ENKUR: variants seen among roughly 807,000 people sequenced by gnomAD.
ENKUR encodes enkurin, TRPC channel interacting protein.
A neutral mutation model predicts 27.6 loss-of-function variants in ENKUR; 19 were observed. That is an observed-to-expected ratio of 0.69 (90% CI 0.48 to 1.01). The LOEUF (loss-of-function observed/expected upper bound fraction) is 1.01. ENKUR is among the 50% of genes least tolerant of loss of function. ENKUR has a pLI of 0.00. For synonymous variants in ENKUR, 117 were observed against 96.9 expected (o/e 1.21, Z -1.22); for missense variants, 312 against 310.5 (o/e 1.00, Z -0.04).
intron 2 of ENKUR, chr10:25,026,580 C>G (rs1267183482): frequency 6.0e-6 from 1 of 165,940 alleles, no homozygotes; most frequent in African/African-American, 2.4e-5. Context: ...ATTTGTATTC[C>G]TTTGTAGTAA....
intron 2 of ENKUR, among the ~76,000 whole-genome samples, chr10:25,036,939 C>T (rs1038791262): frequency 6.6e-6 from 1 of 152,120 alleles, no homozygotes; most frequent in Non-Finnish European, 1.5e-5. Flanking sequence ...AGAAAAGAAA[C>T]ATCAAAATCA....
intron 2 of ENKUR, among the ~76,000 whole-genome samples, chr10:25,056,237 C>T (rs987728903): frequency 4.6e-5 from 7 of 152,204 alleles, no homozygotes; most frequent in Non-Finnish European, 8.8e-5. Flanking sequence ...CTTTGTGAAG[C>T]ACTTATGTCA....
intron 2 of ENKUR, among the ~76,000 whole-genome samples, chr10:25,028,568 C>T (rs1344138590): frequency 1.3e-4 from 20 of 152,176 alleles, no homozygotes. Flanking sequence ...TAGAGTCTTT[C>T]TGTACTTTAG....
At chr10:25,057,647 C>T (rs2130497512) in intron 2 of ENKUR, among the ~76,000 whole-genome samples, 1 of 152,232 alleles carries the variant, frequency 6.6e-6, no homozygotes, top group South Asian at 2.1e-4. Context: ...GTACCACTAC[C>T]TCTGTGGGAT....
intron 2 of ENKUR, among the ~76,000 whole-genome samples, chr10:25,046,579 G>C (rs1435653979): frequency 1.3e-5 from 2 of 152,148 alleles, no homozygotes; most frequent in African/African-American, 4.8e-5. Flanking sequence ...TAATCTCTCT[G>C]TGCCTTTGTT....
At position 25,007,625 on chromosome 10, in the gene ENKUR, G is replaced by A. The variant is rs985630001; in HGVS notation, c.78-8079C>T. Reference sequence around the variant, plus strand: ...AATTTTTTGTATTTTTAGTAGAGACGGGGTTTCACCATGTTAGCCAGGATG... The same window carrying A: ...AATTTTTTGTATTTTTAGTAGAGACAGGGTTTCACCATGTTAGCCAGGATG... On this transcript the variant is annotated intron_variant, in intron 1 of 5. Coordinates refer to ENST00000331161, the MANE Select transcript of ENKUR (RefSeq NM_145010.4). Among the ~76,000 whole-genome samples the A allele has an allele frequency of 6.6e-5, 10 of 152,086 alleles. 1 individual carries two copies. In the East Asian group the frequency reaches 1.2e-3, roughly 18 times the overall value.
chr10:25,043,029 T>C (rs892211757), intron 2 of ENKUR, among the ~76,000 whole-genome samples: 9 of 152,268 alleles, frequency 5.9e-5, no homozygotes, highest in African/African-American at 1.9e-4. Context: ...TATGTTACTG[T>C]TATATGTGAG....
intron 2 of ENKUR, among the ~76,000 whole-genome samples, chr10:25,048,171 G>T (rs1315521972): frequency 6.6e-6 from 1 of 152,132 alleles, no homozygotes; most frequent in African/African-American, 2.4e-5. Flanking sequence ...AAAACCGCAG[G>T]TCATGGGGTG....
At chr10:25,045,384 A>T (rs1851111476) in intron 2 of ENKUR, among the ~76,000 whole-genome samples, 1 of 152,218 alleles carries the variant, frequency 6.6e-6, no homozygotes, top group South Asian at 2.1e-4. Flanking sequence ...GTAAGAGGAT[A>T]ATATGATATT....
At chr10:24,998,773 A>T (rs1315974040) in intron 2 of ENKUR, among the ~76,000 whole-genome samples, 1 of 152,116 alleles carries the variant, frequency 6.6e-6, no homozygotes, top group Non-Finnish European at 1.5e-5. Flanking sequence ...ATAATTTTTG[A>T]GGCCCAGTAA....
At chr10:25,033,401 CAAAAAAAAAA>C (rs34472195) in intron 2 of ENKUR, among the ~76,000 whole-genome samples, 6 of 59,970 alleles carry the variant, frequency 1.0e-4, no homozygotes, top group East Asian at 5.3e-4. Context: ...AAGACCTCGT[CAAAAAAAAAA>C]AAAAAAAAAA....
chr10:25,014,555 T>C (rs1006753002), intron 1 of ENKUR, among the ~76,000 whole-genome samples: 8 of 152,158 alleles, frequency 5.3e-5, no homozygotes, highest in Middle Eastern at 6.3e-3. Context: ...GTAAAGCTTT[T>C]TAATTTGCCA....
intron 2 of ENKUR, among the ~76,000 whole-genome samples, chr10:25,027,314 C>T (rs1445882423): frequency 2.1e-5 from 3 of 142,386 alleles, no homozygotes; most frequent in African/African-American, 7.8e-5. Context: ...CGAAATCGCG[C>T]CACTGCCACT....
At chr10:25,056,302 C>T (rs1851255278) in intron 2 of ENKUR, among the ~76,000 whole-genome samples, 1 of 152,176 alleles carries the variant, frequency 6.6e-6, no homozygotes, top group African/African-American at 2.4e-5. Context: ...CTGCCTCATA[C>T]CCCAGAAGTT....
At chr10:25,061,814 T>C (rs1248758360) in intron 1 of ENKUR, among the ~76,000 whole-genome samples, 1 of 152,202 alleles carries the variant, frequency 6.6e-6, no homozygotes, top group Non-Finnish European at 1.5e-5. Flanking sequence ...CTCTTCAGTC[T>C]GAGAAGTTAG....
rs181704418 is a variant in ENKUR at position 25,058,039 on chromosome 10, C to T, written c.37+3073G>A. Among the ~76,000 whole-genome samples the T allele has an allele frequency of 1.8e-4, 27 of 152,060 alleles. No homozygotes were observed. In the East Asian group the frequency reaches 3.9e-3, roughly 22 times the overall value. ...AGTAATGCCAAACCCCAAGAGTGGA[C>T]GGAGGTGAGTGAGGTTGATAGGAAG... On this transcript the variant is annotated intron_variant, in intron 2 of 5. Coordinates refer to the ENKUR transcript ENST00000615958.
In ENKUR at chr10:24,983,613, A is replaced by G. The variant is rs542372363; in HGVS notation, c.*757T>C. On this transcript the variant is annotated 3_prime_UTR_variant, in exon 6 of 6. Transcript: ENST00000331161. ...TGGACAAGTTTCAAGTGAATTTTCA[A>G]AAAATAATTGTATATAAACTACTTT... is the stretch of plus-strand genomic sequence containing the variant. 1.3e-5 allele frequency: 2 copies of G among 152,310 alleles called. No individual in the cohort carries two copies. The highest frequency in any genetic ancestry group is 2.1e-4 in the South Asian group (1 of 4,816). The allele number at this position is 152,310 out of a possible 1,614,324, so 9.4% of individuals were successfully genotyped here.
chr10:25,059,132 CTTTTTTT>C (rs759162602), intron 2 of ENKUR, among the ~76,000 whole-genome samples: 76 of 120,506 alleles, frequency 6.3e-4, no homozygotes, highest in African/African-American at 2.3e-3. Flanking sequence ...CTTTTTCTTT[CTTTTTTT>C]TTTTTTTTTT....
chr10:25,022,292 C>T (rs1029243741), intron 2 of ENKUR, among the ~76,000 whole-genome samples: 1 of 152,150 alleles, frequency 6.6e-6, no homozygotes, highest in African/African-American at 2.4e-5. Flanking sequence ...TGTCTCTCAT[C>T]ATTGGAAACA....
Sources: allele counts gnomAD v4.1 joint callset (sites outside exome capture counted in the v4.1 genomes callset), GRCh38; gene constraint gnomAD v4.1.1; transcripts MANE v1.5; gene names NCBI Gene and HGNC (gene_info 2026-07-23, HGNC 2026-07-21).